SORCS2: variants seen among roughly 807,000 people sequenced by gnomAD.
SORCS2 encodes the protein VPS10 domain-containing receptor SorCS2.
SORCS2 carries 100 observed loss-of-function variants against 141.6 expected under a neutral mutation model. The observed-to-expected ratio is 0.71, with a 90% CI of 0.60 to 0.83. The LOEUF is 0.83. SORCS2 is among the 40% of genes least tolerant of loss of function. SORCS2 has a pLI of 0.00. For synonymous variants in SORCS2, 789 were observed against 676.9 expected (o/e 1.17, Z -2.57); for missense variants, 1,646 against 1,560.2 (o/e 1.05, Z -0.93).
chr4:7,391,153 C>A (rs1240669941), intron 1 of SORCS2, among the ~76,000 whole-genome samples: 2 of 152,204 alleles, frequency 1.3e-5, no homozygotes, highest in Non-Finnish European at 2.9e-5. Context: ...TTATTTTAAT[C>A]CATCTGAGAA....
intron 1 of SORCS2, among the ~76,000 whole-genome samples, chr4:7,199,198 G>A (rs1277297602): frequency 6.6e-6 from 1 of 152,212 alleles, no homozygotes; most frequent in Non-Finnish European, 1.5e-5. Flanking sequence ...GGAAGGGCCT[G>A]GAGCCAGTGG....
intron 2 of SORCS2, among the ~76,000 whole-genome samples, chr4:7,492,668 A>T (rs1164064860): frequency 2.0e-5 from 3 of 152,242 alleles, no homozygotes; most frequent in Non-Finnish European, 4.4e-5. Flanking sequence ...TTAATGAATG[A>T]GTCCTTCCCC....
intron 12 of SORCS2, 109 bp downstream of exon 12, chr4:7,697,383 C>A (rs1724780986): frequency 1.0e-6 from 1 of 966,808 alleles, no homozygotes; most frequent in Non-Finnish European, 1.5e-6. Flanking sequence ...GTGGGAGAAG[C>A]TCTGAGCCAT....
At chr4:7,364,950 C>G (rs571336648) in intron 1 of SORCS2, among the ~76,000 whole-genome samples, 14 of 152,314 alleles carry the variant, frequency 9.2e-5, no homozygotes, top group African/African-American at 3.4e-4. Context: ...CAGCTGGGAG[C>G]TTCATAACCC....
At chr4:7,265,039 C>T (rs1168988895) in intron 1 of SORCS2, among the ~76,000 whole-genome samples, 2 of 152,258 alleles carry the variant, frequency 1.3e-5, no homozygotes, top group Non-Finnish European at 2.9e-5. Flanking sequence ...CGCCAGGCTT[C>T]CCCGATGCCT....
chr4:7,445,272 C>T (rs1435517414), intron 2 of SORCS2, among the ~76,000 whole-genome samples: 5 of 152,088 alleles, frequency 3.3e-5, no homozygotes, highest in African/African-American at 9.7e-5. Context: ...GGAGCAAGTA[C>T]AGAAGTCACA....
At chr4:7,542,736 C>A (rs1443283710) in intron 3 of SORCS2, among the ~76,000 whole-genome samples, 1 of 152,236 alleles carries the variant, frequency 6.6e-6, no homozygotes, top group African/African-American at 2.4e-5. Context: ...TCACGTGATC[C>A]TCAGAGCAAT....
rs749426462 is a variant in SORCS2 at position 7,704,160 on chromosome 4, C to T, written c.1761-17C>T. ...TTCCAGCCCACCCCAGAGATGCTGA[C>T]GATCTTCTCCTGGCAGGTTCAGTGT... On this transcript the variant is annotated splice_polypyrimidine_tract_variant and intron_variant, in intron 13 of 26. Transcript: ENST00000507866. 2.2e-5 allele frequency: 35 copies of T among 1,605,718 alleles called. No individual in the cohort carries two copies. The East Asian group carries it at 2.5e-4, about 11-fold the overall frequency.
At chr4:7,263,797 G>A (rs1319696562) in intron 1 of SORCS2, among the ~76,000 whole-genome samples, 1 of 152,194 alleles carries the variant, frequency 6.6e-6, no homozygotes, top group South Asian at 2.1e-4. Context: ...AAACAGCCAG[G>A]GCTGGGCAAG....
At position 7,193,254 on chromosome 4, in the gene SORCS2, G is replaced by A. The variant is rs1037303564; in HGVS notation, c.480+128G>A. 2 of 1,225,420 alleles carry A rather than the reference G, an allele frequency of 1.6e-6. No individual in the cohort carries two copies. The highest frequency in any genetic ancestry group is 4.1e-5 in the Admixed American group (1 of 24,228). The allele number at this position is 1,225,420 out of a possible 1,614,324, so 75.9% of individuals were successfully genotyped here. On this transcript the variant is annotated intron_variant, in intron 1 of 26. Coordinates refer to ENST00000507866, the MANE Select transcript of SORCS2 (RefSeq NM_020777.3). The surrounding 1 kb of genome is among the most constrained non-coding windows in gnomAD (Gnocchi z 4.8). Reference sequence around the variant, plus strand: ...CAGGGGCGGGTTCTTGGCGACTTGGGCACTTGGGTCACCTCGGCCGCGCCC... The same window carrying A: ...CAGGGGCGGGTTCTTGGCGACTTGGACACTTGGGTCACCTCGGCCGCGCCC...
intron 3 of SORCS2, among the ~76,000 whole-genome samples, chr4:7,546,927 A>T (rs1713306523): frequency 6.6e-6 from 1 of 152,188 alleles, no homozygotes; most frequent in Non-Finnish European, 1.5e-5. Context: ...TGCCTGGTAA[A>T]AATAGCTTAA....
intron 1 of SORCS2, among the ~76,000 whole-genome samples, chr4:7,342,533 G>T (rs11726557): frequency 0.49 from 73,789 of 151,946 alleles, 18,428 homozygotes; most frequent in African/African-American, 0.6. Flanking sequence ...GGCTGTCTTG[G>T]GGGCCAAGAT....
intron 2 of SORCS2, among the ~76,000 whole-genome samples, chr4:7,481,976 A>T (rs13140888): frequency 0.039 from 3,909 of 98,998 alleles, 110 homozygotes; most frequent in East Asian, 0.27. Flanking sequence ...CGCTGTTCAG[A>T]CCTGTATCCC....
intron 21 of SORCS2, 113 bp downstream of exon 21, chr4:7,727,016 C>T: frequency 8.0e-7 from 1 of 1,248,002 alleles, no homozygotes; most frequent in Non-Finnish European, 1.1e-6. Flanking sequence ...CTGAGTGGCC[C>T]TGGGGTGGGG....
At chr4:7,251,752 A>G (rs1295339480) in intron 1 of SORCS2, among the ~76,000 whole-genome samples, 1 of 151,962 alleles carries the variant, frequency 6.6e-6, no homozygotes, top group African/African-American at 2.4e-5. Flanking sequence ...TTAAAAAGCG[A>G]TCCCAGAACC....
At chr4:7,627,313 G>A (rs985494744) in intron 3 of SORCS2, among the ~76,000 whole-genome samples, 16 of 152,152 alleles carry the variant, frequency 1.1e-4, no homozygotes, top group African/African-American at 3.6e-4. Flanking sequence ...AATTCCCTCA[G>A]CTAAGCAGAG....
intron 1 of SORCS2, among the ~76,000 whole-genome samples, chr4:7,251,975 T>TA (rs1713533759): frequency 6.6e-6 from 1 of 152,090 alleles, no homozygotes; most frequent in Non-Finnish European, 1.5e-5. Context: ...GGCCAGTACT[T>TA]ATGACACACA....
chr4:7,693,193 C>T (rs929636459), intron 11 of SORCS2, among the ~76,000 whole-genome samples: 1 of 151,758 alleles, frequency 6.6e-6, no homozygotes, highest in African/African-American at 2.4e-5. Context: ...TCTTCCTCAT[C>T]TTCACCCTTT....
At chr4:7,639,962 T>C (rs1720556907) in intron 4 of SORCS2, among the ~76,000 whole-genome samples, 4 of 151,534 alleles carry the variant, frequency 2.6e-5, no homozygotes, top group Admixed American at 2.6e-4. Flanking sequence ...TGAGTGTGGG[T>C]GTGAATCTGA....
Sources: gnomAD v4.1 joint callset for allele counts (sites outside exome capture counted in the v4.1 genomes callset) on GRCh38, gnomAD v4.1.1 for gene constraint, Gnocchi (gnomAD v3.1) non-coding constraint, MANE v1.5 for transcripts, NCBI Gene and HGNC (gene_info 2026-07-23, HGNC 2026-07-21) for gene names.